Variants in NAV2 observed in about 807,000 individuals in gnomAD.
The protein encoded by NAV2 is helicase, APC down-regulated 1.
Under a neutral mutation model 223.2 loss-of-function variants are expected in NAV2, and 54 were observed. The ratio of observed to expected loss-of-function variants is 0.24; its 90% confidence interval spans 0.19 to 0.30. NAV2 has a LOEUF of 0.30. Ranked by LOEUF, NAV2 falls within the 10% of genes least tolerant of loss-of-function variation. The pLI is 1.00. For synonymous variants in NAV2, 1,279 were observed against 1,239.3 expected, an observed-to-expected ratio of 1.03 and a Z score of -0.67; for missense variants, 2,806 against 3,147.5, an observed-to-expected ratio of 0.89 and a Z score of 2.60.
At chr11:19,818,473 C>G (rs1386696852) in intron 1 of NAV2, among the ~76,000 whole-genome samples, 1 of 151,830 alleles carries the variant, frequency 6.6e-6, no homozygotes, top group African/African-American at 2.4e-5. Flanking sequence ...TAAATAATCT[C>G]ATGACCATAA....
chr11:19,710,542 C>T (rs1342298231), upstream of NAV2, among the ~76,000 whole-genome samples: 4 of 152,222 alleles, frequency 2.6e-5, no homozygotes, highest in African/African-American at 9.6e-5. Context: ...TGGGCCCCAT[C>T]CCCAGGGCTT....
At chr11:20,062,500 T>A (rs1466152346) in intron 20 of NAV2, 141 bp downstream of exon 20, 1 of 660,882 alleles carries the variant, frequency 1.5e-6, no homozygotes. Context: ...GGAACAAGAT[T>A]TAAAATTCAC....
intron 26 of NAV2, among the ~76,000 whole-genome samples, chr11:20,085,616 G>A (rs150339265): frequency 6.6e-6 from 1 of 152,332 alleles, no homozygotes; most frequent in African/African-American, 2.4e-5. Context: ...TCAGCCCAAC[G>A]CTCAGCAGCT....
chr11:19,599,368 C>A (rs773564598), intron 1 of NAV2, among the ~76,000 whole-genome samples: 4 of 152,162 alleles, frequency 2.6e-5, no homozygotes, highest in African/African-American at 9.7e-5. Flanking sequence ...TTCATCCATC[C>A]GGCCAACCTG....
At chr11:19,757,541 G>C (rs1419973531) in intron 1 of NAV2, among the ~76,000 whole-genome samples, 1 of 152,208 alleles carries the variant, frequency 6.6e-6, no homozygotes, top group African/African-American at 2.4e-5. Flanking sequence ...CTGAACACCA[G>C]TTTTATCAGC....
At chr11:19,374,347 A>G (rs1001484794) in intron 1 of NAV2, among the ~76,000 whole-genome samples, 24 of 147,098 alleles carry the variant, frequency 1.6e-4, no homozygotes, top group African/African-American at 6.0e-4. Flanking sequence ...ATCAGCTATT[A>G]AATGACTCAC....
intron 1 of NAV2, chr11:19,777,425 C>A (rs1402436868): frequency 2.3e-6 from 1 of 443,216 alleles, no homozygotes; most frequent in Admixed American, 2.5e-5. Context: ...TTTTCCCCTC[C>A]TCCTTTTTCC....
intron 1 of NAV2, among the ~76,000 whole-genome samples, chr11:19,454,886 A>G (rs989282919): frequency 6.6e-6 from 1 of 152,212 alleles, no homozygotes; most frequent in Non-Finnish European, 1.5e-5. Flanking sequence ...TTGTGTCTTC[A>G]GGGAGCAAAA....
At chr11:19,997,337 G>C (rs1020413088) in intron 11 of NAV2, among the ~76,000 whole-genome samples, 1 of 152,164 alleles carries the variant, frequency 6.6e-6, no homozygotes, top group African/African-American at 2.4e-5. Flanking sequence ...GTTTTGTGGA[G>C]AGAATAGGTT....
At position 20,045,663 on chromosome 11, in the gene NAV2, C is replaced by T. The variant is rs769437760; in HGVS notation, c.3895C>T (p.Leu1299Phe). ...GTACCCAGATGTGGCCTCTCCCACA[C>T]TCCGCAGGTAAGTGAGTACATAAAT... ...AKYPDVASPT[L>F]RRLFGGKPTK... is the part of the protein sequence containing the mutation. Residue 1299 changes from leucine (L) to phenylalanine (F), a missense_variant, in exon 14 of 38, where the codon CTC becomes TTC. Physicochemically the swap from Leu to Phe is conservative, Grantham distance 22. Coordinates refer to ENST00000349880, the MANE Select transcript of NAV2 (RefSeq NM_145117.5). 8.9e-5 allele frequency: 144 copies of T among 1,612,686 alleles called. No individual in the cohort carries two copies. In the Admixed American group the frequency reaches 2.3e-3, roughly 26 times the overall value.
At chr11:19,774,369 G>A (rs2055961513) in intron 1 of NAV2, among the ~76,000 whole-genome samples, 3 of 152,132 alleles carry the variant, frequency 2.0e-5, no homozygotes, top group African/African-American at 7.2e-5. Context: ...TAGAGACAAG[G>A]TCTCACTATG....
intron 11 of NAV2, among the ~76,000 whole-genome samples, chr11:20,012,548 G>A (rs1175432150): frequency 6.6e-6 from 1 of 151,942 alleles, no homozygotes; most frequent in Non-Finnish European, 1.5e-5. Flanking sequence ...AGTGGCACAC[G>A]CCTGTAATCC....
At position 19,933,313 on chromosome 11, in the gene NAV2, C is replaced by T. The variant is rs1170424267; in HGVS notation, c.1069C>T (p.Pro357Ser). ...CCCGCAGCCCGGTGCAGCCACCAAG[C>T]CTTGGCGCAGCAAATCCCTCAGCGT... Reference protein sequence around the residue: ...AIPQPGAATKPWRSKSLSVKH... With the variant: ...AIPQPGAATKSWRSKSLSVKH... The change falls in exon 7 of 38, where the codon CCT becomes TCT. Residue 357 changes from proline to serine, a missense_variant. Physicochemically the swap from Pro to Ser is moderately conservative, Grantham distance 74. Around this residue, in one of 4 missense-constraint regions of NAV2, gnomAD observed 1,167 missense variants for 1,180.5 expected, o/e 0.99. Transcript: ENST00000349880. This position sits in a 1 kb window ranked among gnomAD's most constrained non-coding sequence, Gnocchi z 4.3. 5.6e-6 allele frequency: 9 copies of T among 1,613,520 alleles called. No individual in the cohort carries two copies. The highest frequency in any genetic ancestry group is 7.6e-6 in the Non-Finnish European group (9 of 1,179,704).
At chr11:19,503,392 C>T (rs537257697) in intron 1 of NAV2, 1 of 152,232 alleles carries the variant, frequency 6.6e-6, no homozygotes, top group Admixed American at 6.5e-5. Context: ...GATAAGTATC[C>T]ACCATTATGG....
chr11:19,838,344 A>G (rs1409821476), intron 2 of NAV2, among the ~76,000 whole-genome samples: 2 of 152,112 alleles, frequency 1.3e-5, no homozygotes, highest in African/African-American at 2.4e-5. Context: ...TCAATCACAG[A>G]AAGGTTCCTC....
intron 5 of NAV2, among the ~76,000 whole-genome samples, chr11:19,891,521 GTGTT>G: frequency 6.6e-6 from 1 of 152,288 alleles, no homozygotes; most frequent in East Asian, 1.9e-4. Flanking sequence ...GGGAGAGTGT[GTGTT>G]TGTCTTTAGG....
chr11:20,066,219 C>T (rs1451029155), intron 20 of NAV2, among the ~76,000 whole-genome samples: 2 of 152,202 alleles, frequency 1.3e-5, no homozygotes, highest in South Asian at 2.1e-4. Flanking sequence ...GTCATGTTCA[C>T]GGCTCTATCT....
At chr11:19,985,884 G>A (rs1016621956) in intron 11 of NAV2, among the ~76,000 whole-genome samples, 1 of 151,856 alleles carries the variant, frequency 6.6e-6, no homozygotes, top group Non-Finnish European at 1.5e-5. Context: ...GCTGAGAACT[G>A]CTCTTACTAA....
chr11:19,650,834 G>A (rs1225934819), intron 1 of NAV2, among the ~76,000 whole-genome samples: 1 of 152,118 alleles, frequency 6.6e-6, no homozygotes, highest in Non-Finnish European at 1.5e-5. Flanking sequence ...ACTATATACA[G>A]AATAATTCCA....
Sources: gnomAD v4.1 joint callset for allele counts (sites outside exome capture counted in the v4.1 genomes callset) on GRCh38, gnomAD v4.1.1 for gene constraint, gnomAD v4.1.1 regional missense constraint, Gnocchi (gnomAD v3.1) non-coding constraint, MANE v1.5 for transcripts, NCBI Gene and HGNC (gene_info 2026-07-23, HGNC 2026-07-21) for gene names.